The following CNTN6 variants were observed in gnomAD, a reference collection of about 807,000 sequenced individuals.
The protein encoded by CNTN6 is contactin-6.
CNTN6 carries 137 observed loss-of-function variants against 122.8 expected under a neutral mutation model. That is an observed-to-expected ratio of 1.12 (90% CI 0.97 to 1.29). The LOEUF (loss-of-function observed/expected upper bound fraction) is 1.29, where lower values mean the gene tolerates loss of function less well. Ranked by LOEUF, CNTN6 falls within the 50% of genes most tolerant of loss-of-function variation. The pLI, the probability that CNTN6 is intolerant of heterozygous loss-of-function variation, is 0.00. For synonymous variants in CNTN6, 570 were observed against 426.0 expected (o/e 1.34, Z -4.16); for missense variants, 1,634 against 1,223.4 (o/e 1.34, Z -5.01).
chr3:1,116,184 A>G (rs1190374792), intron 1 of CNTN6, among the ~76,000 whole-genome samples: 1 of 152,206 alleles, frequency 6.6e-6, no homozygotes, highest in African/African-American at 2.4e-5. Context: ...AGGAGAGTCA[A>G]CAAGGAGAAG....
At chr3:1,127,695 C>T (rs2092212598) in intron 1 of CNTN6, among the ~76,000 whole-genome samples, 1 of 151,934 alleles carries the variant, frequency 6.6e-6, no homozygotes, top group South Asian at 2.1e-4. Flanking sequence ...TTATTCTAGA[C>T]ATTAAATATA....
intron 1 of CNTN6, among the ~76,000 whole-genome samples, chr3:1,129,858 A>G (rs2092288380): frequency 7.3e-6 from 1 of 137,202 alleles, no homozygotes; most frequent in African/African-American, 3.1e-5. Flanking sequence ...AAAACTATTT[A>G]CATCAAGACT....
intron 7 of CNTN6, 137 bp from the exon 8 acceptor site, chr3:1,321,513 A>G: frequency 1.3e-6 from 1 of 756,702 alleles, no homozygotes; most frequent in South Asian, 2.0e-5. Flanking sequence ...GAATGATTGC[A>G]TGATCTGAAA....
chr3:1,119,218 T>A (rs1445267990), intron 1 of CNTN6, among the ~76,000 whole-genome samples: 1 of 151,806 alleles, frequency 6.6e-6, no homozygotes, highest in Non-Finnish European at 1.5e-5. Flanking sequence ...TTGGTAGATG[T>A]AGGTCATAAT....
chr3:1,250,252 A>G (rs1358523891), intron 4 of CNTN6, among the ~76,000 whole-genome samples: 1 of 152,214 alleles, frequency 6.6e-6, no homozygotes, highest in African/African-American at 2.4e-5. Flanking sequence ...GGACAACAGA[A>G]ATCAGGCTTC....
At chr3:1,361,482 G>A (rs759772163) in intron 12 of CNTN6, among the ~76,000 whole-genome samples, 6 of 152,038 alleles carry the variant, frequency 3.9e-5, no homozygotes, top group Admixed American at 6.6e-5. Flanking sequence ...TTCAATAGAT[G>A]ATTGAATAAA....
At position 1,238,723 on chromosome 3, in the gene CNTN6, C is replaced by T. The variant is rs1227926092; in HGVS notation, c.358+10730C>T. On this transcript the variant is annotated intron_variant, in intron 4 of 22. Coordinates refer to ENST00000446702, the MANE Select transcript of CNTN6 (RefSeq NM_001289080.2). ...TAAGTCTCAGGAAATTTAAGAAAAT[C>T]GAAATTATATCAAGTACTCTCTCAG... 3.3e-5 allele frequency among the ~76,000 whole-genome samples: 5 copies of T among 152,108 alleles called. No individual in the cohort carries two copies. In the South Asian group the frequency reaches 8.3e-4, roughly 25 times the overall value.
At chr3:1,224,023 GGATTCTTTCCACAGGGGTCACA>G (rs2094244491) in intron 3 of CNTN6, among the ~76,000 whole-genome samples, 1 of 152,154 alleles carries the variant, frequency 6.6e-6, no homozygotes, top group Non-Finnish European at 1.5e-5. Context: ...GCTAGGACTA[GGATTCTTTCCACAGGGGTCACA>G]GACTCAAATT....
intron 5 of CNTN6, among the ~76,000 whole-genome samples, chr3:1,287,316 A>G (rs1446963566): frequency 6.6e-6 from 1 of 152,188 alleles, no homozygotes; most frequent in Non-Finnish European, 1.5e-5. Context: ...CTAGATGCCA[A>G]TCGCACTGCC....
At position 1,385,807 on chromosome 3, in the gene CNTN6, C is replaced by CAT. The variant is rs1692810143; in HGVS notation, c.2704+12_2704+13dup. 1.3e-6 allele frequency: 2 copies of CAT among 1,598,004 alleles called. No homozygotes were observed. Among genetic ancestry groups the CAT allele is most frequent in the East Asian group, 4.5e-5 (2 of 44,266 alleles). On this transcript the variant is annotated intron_variant, in intron 20 of 22. Coordinates refer to ENST00000446702, the MANE Select transcript of CNTN6 (RefSeq NM_001289080.2). ...ACCACCAAAAAGTCTCGTAAGTATG[C>CAT]ATACACTCCAGGAAACAAGATTCAT...
chr3:1,311,913 G>A (rs1375397547), intron 7 of CNTN6, among the ~76,000 whole-genome samples: 1 of 151,702 alleles, frequency 6.6e-6, no homozygotes, highest in African/African-American at 2.4e-5. Context: ...TCCTATTGGT[G>A]GACATTTAGT....
intron 1 of CNTN6, among the ~76,000 whole-genome samples, chr3:1,103,077 G>C (rs1013983633): frequency 7.2e-5 from 11 of 152,214 alleles, no homozygotes; most frequent in African/African-American, 9.6e-5. Flanking sequence ...CCGCACTCCA[G>C]CCTGGGCGAC....
intron 12 of CNTN6, among the ~76,000 whole-genome samples, chr3:1,360,229 G>A (rs915009845): frequency 1.3e-5 from 2 of 152,050 alleles, no homozygotes; most frequent in African/African-American, 4.8e-5. Flanking sequence ...TGCTCTGAAA[G>A]CCTAAACTTT....
chr3:1,401,579 T>C lies in CNTN6; in HGVS notation c.2817+34T>C, dbSNP rs1417296530. On this transcript the variant is annotated intron_variant, in intron 21 of 22. Coordinates refer to ENST00000446702, the MANE Select transcript of CNTN6 (RefSeq NM_001289080.2). ...TTAGTTTTTCCTTTAATCATATCAA[T>C]TAAGTTACTAAGGAATGAAACATGT... is the stretch of plus-strand genomic sequence containing the variant. 6.3e-6 allele frequency: 9 copies of C among 1,427,566 alleles called. No homozygotes were observed. In the East Asian group the frequency reaches 1.9e-4, roughly 30 times the overall value. The allele number at this position is 1,427,566 out of a possible 1,614,324, so 88.4% of individuals were successfully genotyped here.
At chr3:1,163,845 G>A (rs974310385) in intron 2 of CNTN6, among the ~76,000 whole-genome samples, 8 of 152,260 alleles carry the variant, frequency 5.3e-5, no homozygotes, top group East Asian at 3.9e-4. Flanking sequence ...AGCTGATGTC[G>A]TAAGAACATA....
intron 8 of CNTN6, among the ~76,000 whole-genome samples, chr3:1,323,547 T>A (rs1319698521): frequency 4.0e-5 from 6 of 151,844 alleles, no homozygotes; most frequent in Non-Finnish European, 7.4e-5. Context: ...CAGAGTTGAA[T>A]AATAACTGAG....
intron 3 of CNTN6, among the ~76,000 whole-genome samples, chr3:1,226,723 A>T (rs1028528243): frequency 2.0e-5 from 3 of 152,128 alleles, no homozygotes; most frequent in African/African-American, 7.2e-5. Flanking sequence ...TTTTTTTCTG[A>T]AGGCTTTCAT....
At chr3:1,217,917 A>G (rs1395477346) in intron 2 of CNTN6, among the ~76,000 whole-genome samples, 1 of 152,226 alleles carries the variant, frequency 6.6e-6, no homozygotes, top group East Asian at 1.9e-4. Flanking sequence ...TAAAAACCAC[A>G]GAATTTCACC....
intron 1 of CNTN6, among the ~76,000 whole-genome samples, chr3:1,140,068 C>T (rs1186865573): frequency 1.3e-5 from 2 of 152,178 alleles, no homozygotes; most frequent in African/African-American, 4.8e-5. Context: ...AGTATTACAA[C>T]TATGCCAAGT....
Sources: allele counts gnomAD v4.1 joint callset (sites outside exome capture counted in the v4.1 genomes callset), GRCh38; gene constraint gnomAD v4.1.1; transcripts MANE v1.5; gene names NCBI Gene and HGNC (gene_info 2026-07-23, HGNC 2026-07-21).